The following INPP5B variants were observed in gnomAD, a reference collection of about 807,000 sequenced individuals.
INPP5B encodes the protein inositol polyphosphate-5-phosphatase B, also known as type II inositol 1,4,5-trisphosphate 5-phosphatase.
In INPP5B, 90 loss-of-function variants were observed where a neutral mutation model predicts 118.5. The ratio of observed to expected loss-of-function variants is 0.76; its 90% CI spans 0.64 to 0.90. The LOEUF is 0.90. Among genes scored for constraint, INPP5B ranks in the 40% least tolerant of loss-of-function variants. The probability of loss-of-function intolerance (pLI) is 0.00; values close to 1 mark genes in which losing one functional copy is unlikely to be tolerated. For missense variants in INPP5B, 984 were observed against 1,125.6 expected (o/e 0.87, Z 1.80); for synonymous variants, 385 against 418.9 (o/e 0.92, Z 0.99).
intron 7 of INPP5B, among the ~76,000 whole-genome samples, chr1:37,900,999 A>G (rs1397060510): frequency 6.6e-6 from 1 of 151,878 alleles, no homozygotes; most frequent in Admixed American, 6.6e-5. Flanking sequence ...TTTCGTAGAG[A>G]TGGGATTTCA....
chr1:37,933,285 A>C (rs1645560868), intron 6 of INPP5B, among the ~76,000 whole-genome samples: 1 of 152,256 alleles, frequency 6.6e-6, no homozygotes, highest in Admixed American at 6.5e-5. Flanking sequence ...GGCCAGGCGC[A>C]TGCCTGTAAT....
At chr1:37,941,927 G>C in intron 5 of INPP5B, among the ~76,000 whole-genome samples, 1 of 35,160 alleles carries the variant, frequency 2.8e-5, no homozygotes, top group Admixed American at 3.2e-4. Context: ...GACAGAGCGA[G>C]ACTCCGTCTC....
chr1:37,922,806 G>A (rs779544108), intron 7 of INPP5B, among the ~76,000 whole-genome samples: 2 of 152,256 alleles, frequency 1.3e-5, no homozygotes, highest in Non-Finnish European at 2.9e-5. Flanking sequence ...TTTGCACCCT[G>A]TGCAAATCCA....
At chr1:37,896,866 C>G (rs1463549592) in intron 7 of INPP5B, among the ~76,000 whole-genome samples, 1 of 136,224 alleles carries the variant, frequency 7.3e-6, no homozygotes, top group Admixed American at 7.0e-5. Flanking sequence ...AAGTGAGGAG[C>G]CCCTCTGCCC....
At position 37,882,929 on chromosome 1, in the gene INPP5B, A is replaced by G. The variant is rs1395462230; in HGVS notation, c.1320-11T>C. 1 of 1,613,992 alleles carries G rather than the reference A, an allele frequency of 6.2e-7. No individual in the cohort carries two copies. The highest frequency in any genetic ancestry group is 1.7e-5 in the Admixed American group (1 of 59,992). On this transcript the variant is annotated splice_polypyrimidine_tract_variant and intron_variant, in intron 13 of 23. Coordinates refer to ENST00000373024, the MANE Select transcript of INPP5B (RefSeq NM_005540.3). ...AGCCACAAGATCACACTGTGAGGAC[A>G]GAGCACAAAGGTAACAGGGTTTAGG...
At chr1:37,918,715 G>T (rs1172636633) in intron 7 of INPP5B, among the ~76,000 whole-genome samples, 1 of 152,114 alleles carries the variant, frequency 6.6e-6, no homozygotes, top group Non-Finnish European at 1.5e-5. Flanking sequence ...TTCCTCATTT[G>T]TAAAATGGAA....
In INPP5B at chr1:37,907,760, C is replaced by T. The variant is rs955765081; in HGVS notation, c.533-16306G>A. On this transcript the variant is annotated intron_variant, in intron 7 of 23. Transcript: ENST00000373024. The surrounding 1 kb of genome is among the most constrained non-coding windows in gnomAD (Gnocchi z 4.3). Reference sequence around the variant, plus strand: ...GTGCCTTGACAATTTACAAATGCCACGGTAATGTCAGGAAGTTACCCTATA... The same window carrying T: ...GTGCCTTGACAATTTACAAATGCCATGGTAATGTCAGGAAGTTACCCTATA... 6.6e-6 allele frequency among the ~76,000 whole-genome samples: 1 copy of T among 152,152 alleles called. No individual in the cohort carries two copies. Among genetic ancestry groups the T allele is most frequent in the African/African-American group, 2.4e-5 (1 of 41,444 alleles).
chr1:37,864,175 T>G (rs938292918), intron 23 of INPP5B, 137 bp downstream of exon 23: 1 of 599,120 alleles, frequency 1.7e-6, no homozygotes. Context: ...CGCAAAACTT[T>G]CTGCTTTAAA....
At chr1:37,904,053 A>G (rs1040352745) in intron 7 of INPP5B, among the ~76,000 whole-genome samples, 7 of 152,170 alleles carry the variant, frequency 4.6e-5, no homozygotes, top group African/African-American at 1.7e-4. Context: ...TCAGTCAGGC[A>G]TGGTGGCTCA....
Position 37,866,441 on chromosome 1 carries a change from T to G in INPP5B, c.2386+18A>C, listed in dbSNP as rs1334872930. 1.9e-6 allele frequency: 2 copies of G among 1,065,612 alleles called. No individual in the cohort carries two copies. Among genetic ancestry groups the G allele is most frequent in the Non-Finnish European group, 2.8e-6 (2 of 725,436 alleles). 66.0% of individuals were successfully genotyped at this position (1,065,612 alleles called of 1,614,324 possible). ...ACACACACACACACACACACAGAGC[T>G]GAATGTCTGAAGGATACAGAGGTTA... On this transcript the variant is annotated intron_variant, in intron 21 of 23. Transcript: ENST00000373024.
chr1:37,934,413 A>G (rs749616838), intron 6 of INPP5B, among the ~76,000 whole-genome samples: 1 of 152,210 alleles, frequency 6.6e-6, no homozygotes, highest in East Asian at 1.9e-4. Flanking sequence ...TAGGTGCTCA[A>G]TTAATGTTAG....
rs1643721469 is a variant in INPP5B, at chr1:37,889,561, A to G, written c.793T>C (p.Phe265Leu). 1 of 1,609,150 alleles carries G rather than the reference A, an allele frequency of 6.2e-7. No individual in the cohort carries two copies. Among genetic ancestry groups the G allele is most frequent in the South Asian group, 1.1e-5 (1 of 89,930 alleles). The change falls in exon 9 of 24, where the codon TTC (phenylalanine) becomes CTC (leucine). Residue 265 changes from phenylalanine (F) to leucine (L), a missense_variant. Coordinates refer to ENST00000373024, the MANE Select transcript of INPP5B (RefSeq NM_005540.3). Reference sequence around the variant, plus strand: ...TCCTAGAACCCAGTTAGCTACCTGAAGTTCTGGATATAGGTGTAATCCTCT... The same window carrying G: ...TCCTAGAACCCAGTTAGCTACCTGAGGTTCTGGATATAGGTGTAATCCTCT... ...KEEDYTYIQN[F>L]RFFAGTYNVN...
At chr1:37,897,597 G>A (rs1008185907) in intron 7 of INPP5B, among the ~76,000 whole-genome samples, 2 of 150,596 alleles carry the variant, frequency 1.3e-5, no homozygotes, top group Non-Finnish European at 3.0e-5. Context: ...CAAACACTGC[G>A]GAAGGCCGAA....
At chr1:37,898,812 G>T (rs571983086) in intron 7 of INPP5B, among the ~76,000 whole-genome samples, 22 of 152,032 alleles carry the variant, frequency 1.4e-4, no homozygotes, top group Admixed American at 5.2e-4. Flanking sequence ...ATATCACAAA[G>T]GTATGAAACC....
intron 7 of INPP5B, among the ~76,000 whole-genome samples, chr1:37,900,578 C>T (rs1644294523): frequency 6.6e-6 from 1 of 150,428 alleles, no homozygotes; most frequent in Non-Finnish European, 1.5e-5. Flanking sequence ...GGAAGTTTGT[C>T]TGGTGTTCCC....
chr1:37,886,587 G>GT (rs1316167125), intron 12 of INPP5B, among the ~76,000 whole-genome samples: 1 of 152,210 alleles, frequency 6.6e-6, no homozygotes. Flanking sequence ...AGCATTCTTT[G>GT]TTTTTCTGAA....
chr1:37,888,498 C>T (rs1477557538), intron 9 of INPP5B, among the ~76,000 whole-genome samples, 154 bp from the exon 10 acceptor site: 5 of 152,184 alleles, frequency 3.3e-5, no homozygotes, highest in African/African-American at 1.2e-4. Flanking sequence ...GACTGCAGCA[C>T]CAAGGAGTGA....
rs1204863072 is a variant in INPP5B, at chr1:37,946,233, G to T, written c.57+19C>A. On this transcript the variant is annotated intron_variant, in intron 2 of 23. Coordinates refer to ENST00000373024, the MANE Select transcript of INPP5B (RefSeq NM_005540.3). ...AGGCCAGGGCAGGCTCAGGGCCGCAGTTAGCACAGGAAGGATATGATGACG... is the reference window on the plus strand; with the variant it reads ...AGGCCAGGGCAGGCTCAGGGCCGCATTTAGCACAGGAAGGATATGATGACG... 1.9e-6 allele frequency: 3 copies of T among 1,605,902 alleles called. No individual in the cohort carries two copies. The highest frequency in any genetic ancestry group is 8.5e-7 in the Non-Finnish European group (1 of 1,175,800).
chr1:37,883,021 G>A lies in INPP5B; in HGVS notation c.1320-103C>T. The A allele has an allele frequency of 6.7e-6, 10 of 1,492,974 alleles. No individual in the cohort carries two copies. The South Asian group carries it at 1.2e-4, about 18-fold the overall frequency. 92.5% of individuals were successfully genotyped at this position (1,492,974 alleles called of 1,614,324 possible). A position where few individuals can be genotyped will look rare whatever the true frequency, so the allele number is the denominator to read the frequency against. On this transcript the variant is annotated intron_variant, in intron 13 of 23. Transcript: ENST00000373024. ...GCCCCTGAGGCTCAGCCTCTTGGGA[G>A]GTGGGTGGGAAAATGGCTCAACTGT...
Sources: allele counts gnomAD v4.1 joint callset (sites outside exome capture counted in the v4.1 genomes callset), GRCh38; gene constraint gnomAD v4.1.1; non-coding constraint Gnocchi (gnomAD v3.1); transcripts MANE v1.5; gene names NCBI Gene and HGNC (gene_info 2026-07-23, HGNC 2026-07-21).